The following CA1 variants were observed in gnomAD, a reference collection of about 807,000 sequenced individuals.
CA1 encodes carbonate dehydratase I.
CA1 carries 27 observed loss-of-function variants against 28.8 expected under a neutral mutation model. The observed-to-expected ratio is 0.94, with a 90% CI of 0.69 to 1.29. The LOEUF (loss-of-function observed/expected upper bound fraction) is 1.29. Ranked by LOEUF, CA1 falls within the 50% of genes most tolerant of loss-of-function variation. The pLI, the probability that CA1 is intolerant of heterozygous loss-of-function variation, is 0.00. For synonymous variants in CA1, 121 were observed against 108.8 expected (o/e 1.11, Z -0.70); for missense variants, 335 against 310.5 (o/e 1.08, Z -0.59).
intron 2 of CA1, 63 bp from the exon 3 acceptor site, chr8:85,338,512 G>A: frequency 3.2e-6 from 4 of 1,247,644 alleles, no homozygotes; most frequent in Non-Finnish European, 3.5e-6. Context: ...AGTTTTAGGA[G>A]TATAGTTACC....
intron 1 of CA1, among the ~76,000 whole-genome samples, chr8:85,368,315 G>A (rs1939601968): frequency 6.6e-6 from 1 of 151,838 alleles, no homozygotes; most frequent in Admixed American, 6.6e-5. Context: ...CTAGAGGAGT[G>A]TGCCACCATG....
chr8:85,365,036 G>A (rs929557955), intron 1 of CA1, among the ~76,000 whole-genome samples: 4 of 152,160 alleles, frequency 2.6e-5, no homozygotes, highest in Non-Finnish European at 4.4e-5. Context: ...TGGGGAGGTG[G>A]GTGGTCAGAT....
In CA1 at chr8:85,336,963, T is replaced by A. The variant is rs1479358913; in HGVS notation, c.336A>T (p.Gly112=). ...ACATTACCTCGGCAGAATATTTGAC[T>A]CCATCCACTGTATGTTCTGAACCAT... The part of the protein sequence containing the change: ...NEHGSEHTVD[G]VKYSAELHVA... The change falls in exon 4 of 8, where the codon GGA becomes GGT. Residue 112 remains glycine (G), a synonymous_variant. Coordinates refer to ENST00000523022, the MANE Select transcript of CA1 (RefSeq NM_001128831.4). The A allele has an allele frequency of 6.9e-6, 11 of 1,602,542 alleles. No individual in the cohort carries two copies. The highest frequency in any genetic ancestry group is 9.4e-6 in the Non-Finnish European group (11 of 1,169,688).
At chr8:85,348,260 A>AT (rs914176102) in intron 1 of CA1, among the ~76,000 whole-genome samples, 14 of 152,130 alleles carry the variant, frequency 9.2e-5, no homozygotes, top group Non-Finnish European at 1.9e-4. Flanking sequence ...TTTTTCATTC[A>AT]TTTTTTGTGA....
Position 85,328,626 on chromosome 8 carries a change from G to T in CA1, c.720C>A (p.Val240=), listed in dbSNP as rs757305470. 25 of 1,611,418 alleles carry T rather than the reference G, an allele frequency of 1.6e-5. No homozygotes were observed. The highest frequency in any genetic ancestry group is 1.3e-5 in the African/African-American group (1 of 74,834). The change falls in exon 8 of 8, where the codon GTC becomes GTA. Residue 240 remains valine, a synonymous_variant. Coordinates refer to ENST00000523022, the MANE Select transcript of CA1 (RefSeq NM_001128831.4). ...TTGGGCGGTTGTTGTGCTGCATGGG[G>T]ACAGCGTTATCACCTTCAACATTTG... is the stretch of plus-strand genomic sequence containing the variant. ...LLSNVEGDNA[V]PMQHNNRPTQ...
intron 1 of CA1, among the ~76,000 whole-genome samples, chr8:85,370,664 G>T (rs1326841736): frequency 1.3e-5 from 2 of 152,056 alleles, no homozygotes; most frequent in African/African-American, 4.8e-5. Flanking sequence ...GACAAGTGCT[G>T]TCAAAATGTA....
At chr8:85,370,511 T>A (rs1214011473) in intron 1 of CA1, among the ~76,000 whole-genome samples, 2 of 152,184 alleles carry the variant, frequency 1.3e-5, no homozygotes, top group Non-Finnish European at 2.9e-5. Context: ...AACTTTATGA[T>A]CACCTTGGAT....
intron 1 of CA1, among the ~76,000 whole-genome samples, chr8:85,365,899 G>T (rs927630593): frequency 6.6e-6 from 1 of 152,150 alleles, no homozygotes; most frequent in Admixed American, 6.5e-5. Context: ...CAGGCAGAGG[G>T]CAGTGGCTCC....
At chr8:85,364,817 A>G (rs760678927) in intron 1 of CA1, among the ~76,000 whole-genome samples, 8 of 152,248 alleles carry the variant, frequency 5.3e-5, no homozygotes, top group Non-Finnish European at 8.8e-5. Flanking sequence ...TCAATTTTTA[A>G]TAGCTCATAA....
intron 1 of CA1, among the ~76,000 whole-genome samples, chr8:85,363,053 T>G (rs1809860013): frequency 6.6e-6 from 1 of 152,160 alleles, no homozygotes; most frequent in African/African-American, 2.4e-5. Flanking sequence ...TCTACATAGG[T>G]TTGCTTAGTC....
intron 1 of CA1, 160 bp from the exon 2 acceptor site, chr8:85,341,819 G>A (rs1258143336): frequency 5.5e-6 from 3 of 546,526 alleles, no homozygotes; most frequent in South Asian, 2.5e-5. Context: ...CTAAAAAAAA[G>A]GTGTTGTAAA....
intron 7 of CA1, 61 bp downstream of exon 7, chr8:85,329,628 C>G (rs1425639925): frequency 7.4e-7 from 1 of 1,342,466 alleles, no homozygotes; most frequent in Admixed American, 1.8e-5. Flanking sequence ...CTCACTGATA[C>G]TATCAATTAA....
At chr8:85,345,462 A>C (rs62512498) in intron 1 of CA1, among the ~76,000 whole-genome samples, 18,592 of 152,216 alleles carry the variant, frequency 0.12, 1,382 homozygotes, top group Non-Finnish European at 0.17. Flanking sequence ...GTCTATAACC[A>C]TCTCTAAAAT....
chr8:85,354,182 C>T (rs926622136), intron 1 of CA1, among the ~76,000 whole-genome samples: 1 of 151,020 alleles, frequency 6.6e-6, no homozygotes, highest in African/African-American at 2.4e-5. Flanking sequence ...ACCATGTTGG[C>T]CAGGCTGGTC....
chr8:85,338,556 T>C (rs538160544), intron 2 of CA1, 107 bp from the exon 3 acceptor site: 1 of 819,350 alleles, frequency 1.2e-6, no homozygotes, highest in Non-Finnish European at 2.1e-6. Context: ...TATTTCAGTG[T>C]ATTAAATGAT....
intron 1 of CA1, among the ~76,000 whole-genome samples, chr8:85,345,957 T>C (rs1335207323): frequency 6.6e-6 from 1 of 152,194 alleles, no homozygotes; most frequent in Non-Finnish European, 1.5e-5. Flanking sequence ...CCATCACTTT[T>C]ATGGCTTTTA....
chr8:85,364,167 T>C (rs2130360712), intron 1 of CA1, among the ~76,000 whole-genome samples: 1 of 152,242 alleles, frequency 6.6e-6, no homozygotes, highest in Non-Finnish European at 1.5e-5. Flanking sequence ...TTCTGTGTCT[T>C]TCTCTCTTTA....
At chr8:85,334,539 C>T (rs1808557044) in intron 4 of CA1, among the ~76,000 whole-genome samples, 1 of 152,196 alleles carries the variant, frequency 6.6e-6, no homozygotes, top group African/African-American at 2.4e-5. Context: ...CAAAACAGTT[C>T]TATCCATATC....
intron 1 of CA1, among the ~76,000 whole-genome samples, chr8:85,360,408 T>A (rs1809747571): frequency 6.6e-6 from 1 of 152,206 alleles, no homozygotes; most frequent in Non-Finnish European, 1.5e-5. Flanking sequence ...AATACAAGCG[T>A]TGGCTGGGTG....
Sources: gnomAD v4.1 joint callset for allele counts (sites outside exome capture counted in the v4.1 genomes callset) on GRCh38, gnomAD v4.1.1 for gene constraint, MANE v1.5 for transcripts, NCBI Gene and HGNC (gene_info 2026-07-23, HGNC 2026-07-21) for gene names.